Variants in FER observed in about 807,000 individuals in gnomAD.
The protein encoded by FER is FER tyrosine kinase, also known as tyrosine-protein kinase Fer.
In FER, 63 loss-of-function variants were observed where a neutral mutation model predicts 111.0. The observed-to-expected ratio is 0.57, with a 90% CI of 0.46 to 0.70. The LOEUF (loss-of-function observed/expected upper bound fraction) is 0.70. FER is among the 30% of genes least tolerant of loss of function. FER has a pLI of 0.00. For synonymous variants in FER, 327 were observed against 313.9 expected, an observed-to-expected ratio of 1.04 and a Z score of -0.44; for missense variants, 914 against 954.0, an observed-to-expected ratio of 0.96 and a Z score of 0.55.
chr5:109,035,277 G>C (rs72790567), intron 13 of FER, among the ~76,000 whole-genome samples: 1 of 151,858 alleles, frequency 6.6e-6, no homozygotes, highest in Non-Finnish European at 1.5e-5. Flanking sequence ...CCGCAAAGTT[G>C]CTTCTTTCCC....
chr5:109,157,140 C>T (rs1755483690), intron 17 of FER, among the ~76,000 whole-genome samples: 1 of 152,044 alleles, frequency 6.6e-6, no homozygotes, highest in South Asian at 2.1e-4. Flanking sequence ...CTTGGTATAG[C>T]CCCTTACTCT....
At chr5:109,181,079 T>C (rs1758240605) in intron 18 of FER, among the ~76,000 whole-genome samples, 178 bp downstream of exon 18, 3 of 152,214 alleles carry the variant, frequency 2.0e-5, no homozygotes, top group Admixed American at 2.0e-4. Flanking sequence ...GATTTCTATA[T>C]GTAACATTGC....
chr5:108,774,094 T>C (rs1022271677), intron 2 of FER, among the ~76,000 whole-genome samples: 7 of 151,974 alleles, frequency 4.6e-5, no homozygotes, highest in Non-Finnish European at 7.4e-5. Context: ...GTTGTTCCCC[T>C]CCCTGTGTCC....
intron 13 of FER, among the ~76,000 whole-genome samples, chr5:108,986,294 CTT>C (rs371003422): frequency 4.9e-5 from 7 of 142,086 alleles, no homozygotes; most frequent in Admixed American, 7.0e-5. Flanking sequence ...TTTTTCTTCT[CTT>C]TTTTTTTTTT....
chr5:109,142,588 T>C (rs1467304641), intron 17 of FER, among the ~76,000 whole-genome samples: 1 of 152,186 alleles, frequency 6.6e-6, no homozygotes, highest in Non-Finnish European at 1.5e-5. Context: ...CGACAGACTC[T>C]GTGCTAGGTA....
chr5:108,827,793 G>T, intron 3 of FER, among the ~76,000 whole-genome samples: 1 of 140,544 alleles, frequency 7.1e-6, no homozygotes, highest in Middle Eastern at 3.6e-3. Context: ...TCCCATTTTC[G>T]TATAATATTT....
chr5:108,911,760 G>C (rs1255055074), intron 10 of FER, among the ~76,000 whole-genome samples: 1 of 152,116 alleles, frequency 6.6e-6, no homozygotes, highest in Non-Finnish European at 1.5e-5. Flanking sequence ...CTTTGTCAAA[G>C]GTCAGTTGGT....
At chr5:108,985,720 G>A (rs545531948) in intron 13 of FER, among the ~76,000 whole-genome samples, 125 of 152,224 alleles carry the variant, frequency 8.2e-4, no homozygotes, top group African/African-American at 3.0e-3. Flanking sequence ...ACTTCACTTA[G>A]AATAATGGTC....
At chr5:108,884,242 T>C (rs1746709333) in intron 9 of FER, among the ~76,000 whole-genome samples, 1 of 152,046 alleles carries the variant, frequency 6.6e-6, no homozygotes, top group Non-Finnish European at 1.5e-5. Context: ...TCAAGGAATT[T>C]GTGATATATA....
intron 5 of FER, among the ~76,000 whole-genome samples, chr5:108,856,551 TAC>T (rs1285477097): frequency 6.6e-6 from 1 of 152,200 alleles, no homozygotes; most frequent in African/African-American, 2.4e-5. Flanking sequence ...ACATTTTTGA[TAC>T]AGTCATATCC....
chr5:109,154,975 A>T (rs1346965426), intron 17 of FER, among the ~76,000 whole-genome samples: 1 of 151,834 alleles, frequency 6.6e-6, no homozygotes, highest in Admixed American at 6.6e-5. Flanking sequence ...TCAAGCAGGA[A>T]CTCTGAGAAA....
At chr5:109,060,075 C>T (rs1017384411) in intron 16 of FER, among the ~76,000 whole-genome samples, 2 of 152,020 alleles carry the variant, frequency 1.3e-5, no homozygotes, top group Non-Finnish European at 2.9e-5. Flanking sequence ...AAAGACTACA[C>T]GTTATATGAT....
chr5:108,979,626 C>G (rs989433445), intron 13 of FER, among the ~76,000 whole-genome samples: 5 of 152,098 alleles, frequency 3.3e-5, no homozygotes, highest in Admixed American at 6.5e-5. Context: ...TAAGATCATT[C>G]TAATCTTGTT....
intron 13 of FER, among the ~76,000 whole-genome samples, chr5:108,992,689 C>T (rs1763386950): frequency 6.7e-6 from 1 of 149,724 alleles, no homozygotes; most frequent in African/African-American, 2.4e-5. Context: ...CTGACCCCCA[C>T]CTCCCTCCCG....
intron 3 of FER, 124 bp downstream of exon 3, chr5:108,798,513 A>G: frequency 1.2e-6 from 1 of 810,070 alleles, no homozygotes; most frequent in Non-Finnish European, 1.9e-6. Context: ...CCACAGTTTT[A>G]CAGAGTATGA....
chr5:108,758,248 A>G (rs1751334681), intron 1 of FER, among the ~76,000 whole-genome samples: 1 of 152,186 alleles, frequency 6.6e-6, no homozygotes. Flanking sequence ...AAGCATAGAG[A>G]GGTTTCGGAC....
At chr5:108,939,900 T>C (rs1581301647) in intron 10 of FER, among the ~76,000 whole-genome samples, 2 of 152,142 alleles carry the variant, frequency 1.3e-5, no homozygotes, top group Non-Finnish European at 2.9e-5. Context: ...ACAAGAATAC[T>C]AAACATTAAA....
intron 5 of FER, among the ~76,000 whole-genome samples, chr5:108,863,605 T>C (rs1412719794): frequency 1.3e-5 from 2 of 152,202 alleles, no homozygotes; most frequent in African/African-American, 4.8e-5. Context: ...GAAGTTATTT[T>C]ATTAATTGCT....
chr5:108,758,929 A>G (rs1751414144), intron 1 of FER, among the ~76,000 whole-genome samples: 1 of 152,182 alleles, frequency 6.6e-6, no homozygotes, highest in African/African-American at 2.4e-5. Context: ...GCCCTCACCT[A>G]TCATTGTGTA....
Sources: gnomAD v4.1 joint callset for allele counts (sites outside exome capture counted in the v4.1 genomes callset) on GRCh38, gnomAD v4.1.1 for gene constraint, MANE v1.5 for transcripts, NCBI Gene and HGNC (gene_info 2026-07-23, HGNC 2026-07-21) for gene names.